Variants in POM121 observed in about 807,000 individuals in gnomAD.
POM121 encodes the protein nuclear envelope pore membrane protein POM 121.
Under a neutral mutation model 81.3 loss-of-function variants are expected in POM121, and 32 were observed. That is an observed-to-expected ratio of 0.39 (90% CI 0.30 to 0.53). POM121 has a LOEUF of 0.53. Among genes scored for constraint, POM121 ranks in the 20% least tolerant of loss-of-function variants. The pLI, the probability that POM121 is intolerant of heterozygous loss-of-function variation, is 0.66. For missense variants in POM121, 1,138 were observed against 1,614.6 expected (o/e 0.70, Z 5.06); for synonymous variants, 514 against 694.2 (o/e 0.74, Z 4.08).
chr7:72,943,332 C>T lies in POM121; in HGVS notation c.3339C>T (p.Ile1113=). 3 of 1,607,312 alleles carry T rather than the reference C, an allele frequency of 1.9e-6. No homozygotes were observed. The highest frequency in any genetic ancestry group is 2.5e-6 in the Non-Finnish European group (3 of 1,177,190). ...AAPAGSGSFG[I]NVATPGSSTT... is the part of the protein sequence containing the mutation. ...CCGCTGGCAGTGGGAGCTTTGGGAT[C>T]AATGTGGCCACCCCAGGCTCCAGCA... The change falls in exon 11 of 13, where the codon ATC becomes ATT. Residue 1113 remains isoleucine (I), a synonymous_variant. Transcript: ENST00000434423.
At chr7:72,938,483 T>A in intron 5 of POM121, 107 bp from the exon 6 acceptor site, 1 of 1,322,390 alleles carries the variant, frequency 7.6e-7, no homozygotes, top group Non-Finnish European at 1.1e-6. Flanking sequence ...GACTAACCAT[T>A]TAACCATAAA....
In POM121 at chr7:72,926,314, C is replaced by G; in HGVS notation, c.697C>G (p.Pro233Ala). ...TGTAATAACACCTAGAAGACGCTAT[C>G]CGATCCATCAGGCCCAGTATTCCTG... ...RFVITPRRRY[P>A]IHQAQYSCLG... The change falls in exon 2 of 13, where the codon CCG becomes GCG. Residue 233 changes from proline (P) to alanine (A), a missense_variant. By Grantham distance (27) the Pro-to-Ala change is conservative. Transcript: ENST00000434423. The G allele has an allele frequency of 1.2e-6, 2 of 1,602,530 alleles. No individual in the cohort carries two copies. Among genetic ancestry groups the G allele is most frequent in the South Asian group, 1.1e-5 (1 of 89,730 alleles).
intron 5 of POM121, among the ~76,000 whole-genome samples, chr7:72,937,804 G>A (rs2429268): frequency 1.2e-4 from 18 of 151,924 alleles, no homozygotes; most frequent in South Asian, 2.1e-4. Flanking sequence ...TGAAAACACC[G>A]TCTTTGCTGT....
intron 5 of POM121, among the ~76,000 whole-genome samples, chr7:72,931,797 G>A (rs7809587): frequency 3.3e-3 from 497 of 152,138 alleles, no homozygotes; most frequent in Non-Finnish European, 5.6e-3. Context: ...CATCGAACTC[G>A]TGACCTCAGG....
At chr7:72,903,233 C>A (rs1249038140) in intron 3 of POM121, among the ~76,000 whole-genome samples, 1 of 152,144 alleles carries the variant, frequency 6.6e-6, no homozygotes, top group Admixed American at 6.6e-5. Context: ...GTCTGGAGTT[C>A]AAGACCAGTC....
chr7:72,914,263 G>A (rs1405134557), intron 4 of POM121, among the ~76,000 whole-genome samples: 1 of 152,162 alleles, frequency 6.6e-6, no homozygotes, highest in East Asian at 1.9e-4. Flanking sequence ...GAATGAAGAT[G>A]CCTCTAAATG....
At chr7:72,905,948 GC>G (rs1354156836) in intron 3 of POM121, among the ~76,000 whole-genome samples, 2 of 152,012 alleles carry the variant, frequency 1.3e-5, no homozygotes, top group Admixed American at 6.6e-5. Context: ...TGAGAACGTT[GC>G]ATTTTAAGTG....
chr7:72,903,238 C>G (rs1342987928), intron 3 of POM121, among the ~76,000 whole-genome samples: 2 of 152,140 alleles, frequency 1.3e-5, no homozygotes, highest in Non-Finnish European at 2.9e-5. Flanking sequence ...GAGTTCAAGA[C>G]CAGTCTGGCC....
intron 12 of POM121, among the ~76,000 whole-genome samples, 178 bp from the exon 13 acceptor site, chr7:72,945,959 T>A (rs1797649519): frequency 6.6e-6 from 1 of 152,040 alleles, no homozygotes; most frequent in South Asian, 2.1e-4. Context: ...GCTCTGAGAC[T>A]CTCTGGGAGT....
At chr7:72,941,782 T>TA in intron 10 of POM121, 55 bp from the exon 11 acceptor site, 1 of 1,561,168 alleles carries the variant, frequency 6.4e-7, no homozygotes, top group Non-Finnish European at 8.7e-7. Context: ...AAATACTGAA[T>TA]ACCATCATCT....
In POM121 at chr7:72,925,118, C is replaced by G. The variant is rs1452376339; in HGVS notation, c.-4C>G. The G allele has an allele frequency of 3.6e-6, 5 of 1,392,810 alleles. No individual in the cohort carries two copies. Among genetic ancestry groups the G allele is most frequent in the Non-Finnish European group, 4.6e-6 (5 of 1,078,468 alleles). 86.3% of individuals were successfully genotyped at this position (1,392,810 alleles called of 1,614,324 possible). ...TTAAGTCTCCTCCGCGGCGCGGAGC[C>G]GCGATGTCTCCGGCGGCTGCGGCGG... is the stretch of plus-strand genomic sequence containing the variant. On this transcript the variant is annotated 5_prime_UTR_variant, in exon 1 of 13. Coordinates refer to ENST00000434423, the MANE Select transcript of POM121 (RefSeq NM_001387691.1).
chr7:72,899,141 C>T (rs1222151314), intron 3 of POM121, among the ~76,000 whole-genome samples: 2 of 151,918 alleles, frequency 1.3e-5, no homozygotes, highest in Non-Finnish European at 2.9e-5. Context: ...GACCACTACA[C>T]CTGGCTAATT....
At chr7:72,899,284 C>T (rs1403257080) in intron 3 of POM121, among the ~76,000 whole-genome samples, 3 of 151,508 alleles carry the variant, frequency 2.0e-5, no homozygotes, top group Non-Finnish European at 4.4e-5. Context: ...AGTGCCCGGC[C>T]TATTTTGTGT....
chr7:72,922,979 T>C (rs1393769382), upstream of POM121, among the ~76,000 whole-genome samples: 2 of 152,010 alleles, frequency 1.3e-5, no homozygotes, highest in Non-Finnish European at 2.9e-5. Flanking sequence ...CCAGGTTTCT[T>C]GAGTAGGGAG....
intron 11 of POM121, among the ~76,000 whole-genome samples, chr7:72,944,588 G>A (rs1296259759): frequency 1.3e-5 from 2 of 152,240 alleles, no homozygotes; most frequent in African/African-American, 4.8e-5. Flanking sequence ...TAGACCTAAG[G>A]TCAGCGGACA....
intron 1 of POM121, among the ~76,000 whole-genome samples, chr7:72,884,537 AATATATACATATAATATATATTT>A (rs1790504100): frequency 6.9e-6 from 1 of 145,432 alleles, no homozygotes; most frequent in East Asian, 2.2e-4. Context: ...TTTGATAGCA[AATATATACATATAATATATATTT>A]GATAGCAAAT....
intron 3 of POM121, among the ~76,000 whole-genome samples, chr7:72,903,315 T>TA (rs1792899747): frequency 4.6e-5 from 7 of 152,238 alleles, no homozygotes; most frequent in Admixed American, 3.9e-4. Flanking sequence ...TATGCGCCTA[T>TA]AATCCCAGCT....
rs527721613 is a variant in POM121 at position 72,935,155 on chromosome 7, A to T, written c.1276-3435A>T. Reference sequence around the variant, plus strand: ...GACCTTGTTTACTTCTAATCTATGAACATGGAATGTCGTTATTTATTTATT... The same window carrying T: ...GACCTTGTTTACTTCTAATCTATGATCATGGAATGTCGTTATTTATTTATT... On this transcript the variant is annotated intron_variant, in intron 5 of 12. Transcript: ENST00000434423. 2.0e-5 allele frequency among the ~76,000 whole-genome samples: 3 copies of T among 152,044 alleles called. No individual in the cohort carries two copies. In the East Asian group the frequency reaches 5.8e-4, roughly 29 times the overall value.
At chr7:72,891,862 A>G (rs1308957304) in intron 3 of POM121, among the ~76,000 whole-genome samples, 3 of 152,116 alleles carry the variant, frequency 2.0e-5, no homozygotes, top group Non-Finnish European at 4.4e-5. Context: ...TTATTTCTTT[A>G]GGCATTCAGA....
Sources: gnomAD v4.1 joint callset for allele counts (sites outside exome capture counted in the v4.1 genomes callset) on GRCh38, gnomAD v4.1.1 for gene constraint, MANE v1.5 for transcripts, NCBI Gene and HGNC (gene_info 2026-07-23, HGNC 2026-07-21) for gene names.